Variants in NRXN3 observed in about 807,000 individuals in gnomAD.
NRXN3 encodes the protein neurexin III.
NRXN3 carries 32 observed loss-of-function variants against 137.6 expected under a neutral mutation model. That is an observed-to-expected ratio of 0.23 (90% CI 0.18 to 0.31). The LOEUF is 0.31. Among genes scored for constraint, NRXN3 ranks in the 10% least tolerant of loss-of-function variants. NRXN3 has a pLI of 1.00. For synonymous variants in NRXN3, 798 were observed against 784.5 expected (o/e 1.02, Z -0.29); for missense variants, 1,574 against 2,062.5 (o/e 0.76, Z 4.59).
At chr14:79,137,312 G>C (rs2058342947) in intron 15 of NRXN3, among the ~76,000 whole-genome samples, 1 of 152,194 alleles carries the variant, frequency 6.6e-6, no homozygotes, top group Non-Finnish European at 1.5e-5. Flanking sequence ...TGTCATCAGA[G>C]TAACTGTGTA....
intron 15 of NRXN3, chr14:79,280,532 G>A (rs2081107991): frequency 1.2e-6 from 2 of 1,610,570 alleles, no homozygotes; most frequent in African/African-American, 2.7e-5. Context: ...CCTTCGAGGA[G>A]GACACGGTAG....
At chr14:78,863,722 A>G (rs2099079172) in intron 10 of NRXN3, among the ~76,000 whole-genome samples, 1 of 152,092 alleles carries the variant, frequency 6.6e-6, no homozygotes, top group Admixed American at 6.6e-5. Flanking sequence ...ATATTCTAAA[A>G]AGGAGCCTTT....
At chr14:79,257,824 C>G (rs2077004983) in intron 15 of NRXN3, among the ~76,000 whole-genome samples, 1 of 151,892 alleles carries the variant, frequency 6.6e-6, no homozygotes, top group Admixed American at 6.6e-5. Flanking sequence ...CAGGAACTCT[C>G]AATTCCTGTA....
At chr14:79,782,782 A>G (rs2099117859) in intron 19 of NRXN3, among the ~76,000 whole-genome samples, 1 of 152,308 alleles carries the variant, frequency 6.6e-6, no homozygotes, top group South Asian at 2.1e-4. Context: ...TAAACCTGGA[A>G]GGAGAAACCC....
chr14:79,789,813 C>T (rs1316234053), intron 19 of NRXN3, among the ~76,000 whole-genome samples: 1 of 152,182 alleles, frequency 6.6e-6, no homozygotes, highest in African/African-American at 2.4e-5. Context: ...GACCTCCTAT[C>T]TCATCCTGTG....
intron 10 of NRXN3, among the ~76,000 whole-genome samples, chr14:78,834,166 G>A (rs2152416224): frequency 6.6e-6 from 1 of 152,252 alleles, no homozygotes; most frequent in Admixed American, 6.5e-5. Context: ...GCCAAGGTAA[G>A]GAGTTTGCAT....
chr14:79,090,371 A>T (rs2048933241), intron 15 of NRXN3, among the ~76,000 whole-genome samples: 1 of 152,212 alleles, frequency 6.6e-6, no homozygotes, highest in Admixed American at 6.5e-5. Flanking sequence ...AGAAGATATT[A>T]TCCTGGCTAT....
At chr14:78,879,829 C>T (rs2099123417) in intron 10 of NRXN3, among the ~76,000 whole-genome samples, 1 of 152,044 alleles carries the variant, frequency 6.6e-6, no homozygotes, top group African/African-American at 2.4e-5. Context: ...CAATTTTTTT[C>T]CACAGTAGGT....
At chr14:78,944,519 G>T (rs1339472834) in intron 10 of NRXN3, among the ~76,000 whole-genome samples, 1 of 152,170 alleles carries the variant, frequency 6.6e-6, no homozygotes, top group East Asian at 1.9e-4. Flanking sequence ...TTAAGATGAG[G>T]TCACACTGGA....
At chr14:79,613,716 T>C (rs10136332) in intron 16 of NRXN3, among the ~76,000 whole-genome samples, 3,648 of 152,330 alleles carry the variant, frequency 0.024, 159 homozygotes, top group African/African-American at 0.083. Flanking sequence ...CCAGTATGTG[T>C]TGACTACCTT....
intron 4 of NRXN3, among the ~76,000 whole-genome samples, chr14:78,494,124 T>C (rs1438653979): frequency 2.0e-5 from 3 of 152,200 alleles, no homozygotes; most frequent in African/African-American, 7.2e-5. Context: ...TCCCCATCCA[T>C]AGCAGAGATG....
At chr14:78,513,593 A>C (rs2096149874) in intron 4 of NRXN3, among the ~76,000 whole-genome samples, 1 of 152,204 alleles carries the variant, frequency 6.6e-6, no homozygotes, top group Non-Finnish European at 1.5e-5. Context: ...AAATAAATAC[A>C]TGAGGAGTTA....
intron 10 of NRXN3, among the ~76,000 whole-genome samples, chr14:78,907,685 T>TACACAC (rs1342608705): frequency 1.3e-5 from 2 of 152,050 alleles, no homozygotes; most frequent in Non-Finnish European, 2.9e-5. Context: ...GTAAGTTTGT[T>TACACAC]ATGTAGGTAA....
chr14:78,902,287 A>G (rs1195941028), intron 10 of NRXN3, among the ~76,000 whole-genome samples: 2 of 152,092 alleles, frequency 1.3e-5, no homozygotes, highest in Admixed American at 6.6e-5. Context: ...AATAGTTTCT[A>G]TATTTGACTT....
At chr14:78,203,803 GGTGTGT>G (rs3059003) in intron 1 of NRXN3, among the ~76,000 whole-genome samples, 5,894 of 133,936 alleles carry the variant, frequency 0.044, 166 homozygotes, top group Admixed American at 0.047. Context: ...GATCCTTCCA[GGTGTGT>G]GTGTGTGTGT....
intron 8 of NRXN3, among the ~76,000 whole-genome samples, chr14:78,717,526 A>G (rs918514922): frequency 1.3e-5 from 2 of 152,132 alleles, no homozygotes; most frequent in African/African-American, 4.8e-5. Flanking sequence ...TCCTGACACC[A>G]TGTTCAGAAT....
At chr14:79,180,024 T>C (rs1259895808) in intron 15 of NRXN3, among the ~76,000 whole-genome samples, 1 of 152,184 alleles carries the variant, frequency 6.6e-6, no homozygotes, top group Admixed American at 6.5e-5. Context: ...TTGCTTTCTT[T>C]CTCTTCTAGT....
intron 1 of NRXN3, among the ~76,000 whole-genome samples, chr14:78,240,515 T>C (rs558675615): frequency 6.6e-6 from 1 of 152,300 alleles, no homozygotes; most frequent in South Asian, 2.1e-4. Context: ...GTAAACTGCA[T>C]GCCTTTTGCA....
chr14:79,713,445 C>A (rs1198459130), intron 19 of NRXN3, among the ~76,000 whole-genome samples: 1 of 142,896 alleles, frequency 7.0e-6, no homozygotes, highest in Non-Finnish European at 1.5e-5. Flanking sequence ...TTGAGGGTAA[C>A]CAACTTTAGT....
Sources: gnomAD v4.1 joint callset for allele counts (sites outside exome capture counted in the v4.1 genomes callset) on GRCh38, gnomAD v4.1.1 for gene constraint, MANE v1.5 for transcripts, NCBI Gene and HGNC (gene_info 2026-07-23, HGNC 2026-07-21) for gene names.